Variants in TAS2R1 observed in about 807,000 individuals in gnomAD.
The protein encoded by TAS2R1 is taste 2 receptor member 1, also known as taste receptor type 2 member 1.
For missense variants in TAS2R1, 370 were observed against 353.4 expected, an observed-to-expected ratio of 1.05 and a Z score of -0.38; for synonymous variants, 141 against 134.2, an observed-to-expected ratio of 1.05 and a Z score of -0.35.
chr5:9,676,899 T>C (rs1413347759), intron 1 of TAS2R1, among the ~76,000 whole-genome samples: 1 of 152,162 alleles, frequency 6.6e-6, no homozygotes, highest in Non-Finnish European at 1.5e-5. Context: ...GCAATCACAT[T>C]ACTGGGTTTT....
the TAS2R1 span, among the ~76,000 whole-genome samples, chr5:9,903,348 G>C: frequency 6.6e-6 from 1 of 151,750 alleles, no homozygotes; most frequent in African/African-American, 2.4e-5. Flanking sequence ...TTTCCAATAG[G>C]TTTTTGGGGA....
chr5:9,836,900 C>G, the TAS2R1 span, among the ~76,000 whole-genome samples: 1 of 152,168 alleles, frequency 6.6e-6, no homozygotes, highest in Admixed American at 6.5e-5. Flanking sequence ...TGATGTTCGA[C>G]TAAGGAGCAG....
At chr5:9,767,110 T>C in the TAS2R1 span, among the ~76,000 whole-genome samples, 1 of 152,100 alleles carries the variant, frequency 6.6e-6, no homozygotes, top group Non-Finnish European at 1.5e-5. Context: ...CCACTGACAT[T>C]TCTGGAAGAC....
chr5:9,889,539 G>A, the TAS2R1 span: 1 of 152,160 alleles, frequency 6.6e-6, no homozygotes. Flanking sequence ...AAGCATTACA[G>A]CGGGGGTTTT....
intron 1 of TAS2R1, among the ~76,000 whole-genome samples, chr5:9,707,610 G>C (rs972557595): frequency 6.2e-4 from 94 of 152,240 alleles, no homozygotes; most frequent in African/African-American, 2.2e-3. Context: ...TTGAACCCGG[G>C]AAGCAGAGGT....
At chr5:9,875,214 T>C in the TAS2R1 span, among the ~76,000 whole-genome samples, 2 of 152,186 alleles carry the variant, frequency 1.3e-5, no homozygotes, top group East Asian at 3.9e-4. Context: ...GGAAAATCAA[T>C]GAGGGAGCGG....
chr5:9,726,922 C>A, the TAS2R1 span, among the ~76,000 whole-genome samples: 2 of 152,204 alleles, frequency 1.3e-5, no homozygotes, highest in Non-Finnish European at 2.9e-5. Context: ...ACTGGTTTAC[C>A]TACGGATGGA....
chr5:9,870,355 A>G, the TAS2R1 span: 1 of 152,214 alleles, frequency 6.6e-6, no homozygotes, highest in Non-Finnish European at 1.5e-5. Flanking sequence ...TCATGCCGGC[A>G]TTCTTATAAA....
chr5:9,881,872 G>A, the TAS2R1 span, among the ~76,000 whole-genome samples: 3 of 152,172 alleles, frequency 2.0e-5, no homozygotes, highest in African/African-American at 7.2e-5. Flanking sequence ...ATGGATTAAA[G>A]ACTTAAATGT....
chr5:9,880,899 C>T, the TAS2R1 span, among the ~76,000 whole-genome samples: 2 of 152,226 alleles, frequency 1.3e-5, no homozygotes, highest in African/African-American at 4.8e-5. Context: ...GCCATCCCTC[C>T]TCACTGGGTG....
At chr5:9,774,984 A>G in the TAS2R1 span, among the ~76,000 whole-genome samples, 2 of 152,282 alleles carry the variant, frequency 1.3e-5, no homozygotes, top group South Asian at 4.1e-4. Context: ...GCAGCTGCAA[A>G]AGCAAGCTTA....
chr5:9,870,513 T>C, the TAS2R1 span, among the ~76,000 whole-genome samples: 1 of 152,196 alleles, frequency 6.6e-6, no homozygotes, highest in Non-Finnish European at 1.5e-5. Context: ...TTTGATTTAA[T>C]AGGTTCATCC....
At chr5:9,815,898 C>T in the TAS2R1 span, among the ~76,000 whole-genome samples, 6 of 152,016 alleles carry the variant, frequency 3.9e-5, no homozygotes, top group Non-Finnish European at 7.4e-5. Context: ...AAGTGGTCAC[C>T]CTCTTAGGGT....
chr5:9,860,410 C>G, the TAS2R1 span, among the ~76,000 whole-genome samples: 3 of 152,234 alleles, frequency 2.0e-5, no homozygotes, highest in Middle Eastern at 6.3e-3. Flanking sequence ...CCTTGCCTCA[C>G]AGCTCATCTC....
At chr5:9,654,980 T>C (rs1288169022) in intron 2 of TAS2R1, among the ~76,000 whole-genome samples, 1 of 152,208 alleles carries the variant, frequency 6.6e-6, no homozygotes, top group African/African-American at 2.4e-5. Flanking sequence ...TTATTTATAA[T>C]AGCCCAAAAT....
the TAS2R1 span, among the ~76,000 whole-genome samples, chr5:9,840,408 C>A: frequency 6.6e-6 from 1 of 152,138 alleles, no homozygotes; most frequent in Admixed American, 6.5e-5. Flanking sequence ...TTCTCCTCTA[C>A]CATCCATTTT....
chr5:9,669,201 AAAG>A (rs568573404), intron 1 of TAS2R1, among the ~76,000 whole-genome samples: 20 of 152,276 alleles, frequency 1.3e-4, no homozygotes, highest in Admixed American at 3.3e-4. Flanking sequence ...GTTCAATCCA[AAAG>A]AAGACCTAAC....
chr5:9,741,528 T>A, the TAS2R1 span, among the ~76,000 whole-genome samples: 28 of 152,210 alleles, frequency 1.8e-4, no homozygotes, highest in East Asian at 5.4e-3. Context: ...AACGAGAAAA[T>A]TTGGGGGATC....
At chr5:9,816,811 A>T in the TAS2R1 span, among the ~76,000 whole-genome samples, 1 of 152,186 alleles carries the variant, frequency 6.6e-6, no homozygotes, top group Non-Finnish European at 1.5e-5. Flanking sequence ...TACACTGTAA[A>T]TATAACCTAC....
Sources: allele counts gnomAD v4.1 joint callset (sites outside exome capture counted in the v4.1 genomes callset), GRCh38; gene constraint gnomAD v4.1.1; transcripts MANE v1.5; gene names NCBI Gene and HGNC (gene_info 2026-07-23, HGNC 2026-07-21).